Variants in TNFRSF10A observed in about 807,000 individuals in gnomAD.
TNFRSF10A encodes the protein tumor necrosis factor receptor superfamily member 10A.
A neutral mutation model predicts 42.8 loss-of-function variants in TNFRSF10A; 44 were observed. That is an observed-to-expected ratio of 1.03 (90% CI 0.81 to 1.32). The LOEUF (loss-of-function observed/expected upper bound fraction) is 1.32, where lower values mean the gene tolerates loss of function less well. Ranked by LOEUF, TNFRSF10A falls within the 40% of genes most tolerant of loss-of-function variation. The pLI is 0.00. For missense variants in TNFRSF10A, 680 were observed against 602.0 expected (o/e 1.13, Z -1.36); for synonymous variants, 259 against 234.2 (o/e 1.11, Z -0.97).
intron 1 of TNFRSF10A, among the ~76,000 whole-genome samples, chr8:23,220,546 C>T (rs192717690): frequency 2.7e-4 from 41 of 152,340 alleles, no homozygotes; most frequent in Admixed American, 1.2e-3. Flanking sequence ...AAATCTGCAG[C>T]GGCCCTTTAT....
intron 9 of TNFRSF10A, among the ~76,000 whole-genome samples, chr8:23,193,445 C>CAGGATCT (rs1800781741): frequency 6.6e-6 from 1 of 152,224 alleles, no homozygotes; most frequent in Non-Finnish European, 1.5e-5. Flanking sequence ...GCCCAGACAG[C>CAGGATCT]AGGATCTGCT....
rs1176037102 is a variant in TNFRSF10A, at chr8:23,191,754, C to T, written c.1347G>A (p.Val449=). The change falls in exon 10 of 10, where the codon GTG becomes GTA. Residue 449 remains valine, a synonymous_variant. Transcript: ENST00000221132. ...CTAAGTAGATGAACTTTCCAGAGTC[C>T]ACCAAGAGGTCCTGAATCTTCTCTC... ...HAREKIQDLL[V]DSGKFIYLED... 2 of 1,614,052 alleles carry T rather than the reference C, an allele frequency of 1.2e-6. No individual in the cohort carries two copies. The highest frequency in any genetic ancestry group is 2.2e-5 in the East Asian group (1 of 44,902).
At chr8:23,215,904 G>C (rs1036796381) in intron 1 of TNFRSF10A, among the ~76,000 whole-genome samples, 1 of 150,916 alleles carries the variant, frequency 6.6e-6, no homozygotes, top group Non-Finnish European at 1.5e-5. Context: ...CTGCAACCTC[G>C]GTCTCCTGGG....
At chr8:23,202,071 C>T (rs1419832871) in intron 3 of TNFRSF10A, 152 bp from the exon 4 acceptor site, 1 of 650,684 alleles carries the variant, frequency 1.5e-6, no homozygotes, top group African/African-American at 1.8e-5. Flanking sequence ...CACTCGGGCT[C>T]ACACAGGACA....
At chr8:23,206,512 C>T (rs916050357) in intron 2 of TNFRSF10A, among the ~76,000 whole-genome samples, 1 of 152,186 alleles carries the variant, frequency 6.6e-6, no homozygotes, top group African/African-American at 2.4e-5. Context: ...CAATTGTCTA[C>T]TAGTACAGGT....
intron 1 of TNFRSF10A, among the ~76,000 whole-genome samples, chr8:23,215,270 A>C (rs1801161304): frequency 6.6e-6 from 1 of 152,204 alleles, no homozygotes; most frequent in South Asian, 2.1e-4. Context: ...TAATCCCAGC[A>C]CTTTGGGAGG....
In TNFRSF10A at chr8:23,224,773, C is replaced by G; in HGVS notation, c.289G>C (p.Val97Leu). The change falls in exon 1 of 10, where the codon GTC becomes CTC. Residue 97 changes from valine (V) to leucine (L), a missense_variant. Physicochemically the swap from Val to Leu is conservative, Grantham distance 32. Coordinates refer to ENST00000221132, the MANE Select transcript of TNFRSF10A (RefSeq NM_003844.4). ...RVHKTFKFVV[V>L]GVLLQVVPSS... ...GGACTCACCTGCAGCAGGACCCCGACGACGACAAACTTGAAGGTCTTGTGG... is the reference window on the plus strand; with the variant it reads ...GGACTCACCTGCAGCAGGACCCCGAGGACGACAAACTTGAAGGTCTTGTGG... 6.4e-7 allele frequency: 1 copy of G among 1,568,436 alleles called. No individual in the cohort carries two copies. Among genetic ancestry groups the G allele is most frequent in the South Asian group, 1.2e-5 (1 of 85,454 alleles).
chr8:23,198,172 T>A (rs920167058), intron 8 of TNFRSF10A, among the ~76,000 whole-genome samples: 3 of 152,146 alleles, frequency 2.0e-5, no homozygotes, highest in Non-Finnish European at 4.4e-5. Flanking sequence ...AATGGGAGAA[T>A]CGGCAGCTCA....
chr8:23,219,167 C>G (rs1262533764), intron 1 of TNFRSF10A, among the ~76,000 whole-genome samples: 1 of 152,132 alleles, frequency 6.6e-6, no homozygotes, highest in Non-Finnish European at 1.5e-5. Flanking sequence ...CTCCACCAGA[C>G]TGTGGGCTTC....
At chr8:23,222,536 A>G (rs73222601) in intron 1 of TNFRSF10A, among the ~76,000 whole-genome samples, 31,852 of 152,190 alleles carry the variant, frequency 0.21, 4,056 homozygotes, top group South Asian at 0.39. Flanking sequence ...GAAAACATCC[A>G]ATGCGATTTG....
At chr8:23,213,436 C>CTTTTTTTTGTTTTTTTTT (rs1801118622) in intron 1 of TNFRSF10A, among the ~76,000 whole-genome samples, 1 of 68,668 alleles carries the variant, frequency 1.5e-5, no homozygotes, top group Non-Finnish European at 2.6e-5. Context: ...GTTTGCTCCT[C>CTTTTTTTTGTTTTTTTTT]TTTTTTTTTT....
intron 1 of TNFRSF10A, among the ~76,000 whole-genome samples, chr8:23,224,260 A>G (rs1432360628): frequency 7.2e-6 from 1 of 139,422 alleles, no homozygotes; most frequent in Non-Finnish European, 1.5e-5. Flanking sequence ...AGATCGCGCC[A>G]CTACACTCCA....
intron 1 of TNFRSF10A, among the ~76,000 whole-genome samples, chr8:23,212,524 C>T (rs1256326624): frequency 6.6e-6 from 1 of 152,210 alleles, no homozygotes; most frequent in African/African-American, 2.4e-5. Context: ...AAAATCATCA[C>T]GATCCATCCA....
intron 7 of TNFRSF10A, 122 bp from the exon 8 acceptor site, chr8:23,199,570 CTCAGCACA>C: frequency 8.1e-7 from 1 of 1,237,342 alleles, no homozygotes. Flanking sequence ...GAAGTCCATG[CTCAGCACA>C]TCCAGGACCT....
At chr8:23,206,103 T>C (rs903333432) in intron 2 of TNFRSF10A, among the ~76,000 whole-genome samples, 1 of 152,186 alleles carries the variant, frequency 6.6e-6, no homozygotes, top group Admixed American at 6.5e-5. Flanking sequence ...GTTTATAGAA[T>C]ACGAATATAA....
rs371716765 is a variant in TNFRSF10A, at chr8:23,192,019, T to C, written c.1088-6A>G. 43 of 1,609,414 alleles carry C rather than the reference T, an allele frequency of 2.7e-5. No individual in the cohort carries two copies. The Middle Eastern group carries it at 5.0e-4, about 19-fold the overall frequency. ...GTCAAAGAACAGCATCAGAGCTGGG[T>C]GGAGAAAGCCACAGAGACAGCCAGA... On this transcript the variant is annotated splice_polypyrimidine_tract_variant and splice_region_variant and intron_variant, in intron 9 of 9. Transcript: ENST00000221132.
intron 9 of TNFRSF10A, among the ~76,000 whole-genome samples, chr8:23,192,324 C>T (rs1028095881): frequency 2.0e-5 from 3 of 152,250 alleles, no homozygotes; most frequent in Middle Eastern, 3.4e-3. Context: ...GGTGAGAGCC[C>T]GAGGGAGGGA....
intron 1 of TNFRSF10A, among the ~76,000 whole-genome samples, chr8:23,220,564 A>T (rs1801243502): frequency 6.6e-6 from 1 of 152,228 alleles, no homozygotes; most frequent in African/African-American, 2.4e-5. Flanking sequence ...TATAAACCAC[A>T]GTGGTCTGTG....
intron 1 of TNFRSF10A, among the ~76,000 whole-genome samples, chr8:23,214,380 C>T (rs977693244): frequency 7.3e-5 from 11 of 151,286 alleles, no homozygotes; most frequent in Non-Finnish European, 1.2e-4. Flanking sequence ...CCCAGCTACA[C>T]GGGAGGCTGA....
Sources: allele counts gnomAD v4.1 joint callset (sites outside exome capture counted in the v4.1 genomes callset), GRCh38; gene constraint gnomAD v4.1.1; transcripts MANE v1.5; gene names NCBI Gene and HGNC (gene_info 2026-07-23, HGNC 2026-07-21).